The following KLHL9 variants were observed in gnomAD, a reference collection of about 807,000 sequenced individuals.
KLHL9 encodes kelch-like protein 9.
Under a neutral mutation model 42.3 loss-of-function variants are expected in KLHL9, and 27 were observed. The ratio of observed to expected loss-of-function variants is 0.64; its 90% CI spans 0.47 to 0.88. The LOEUF (loss-of-function observed/expected upper bound fraction) is 0.88. Among genes scored for constraint, KLHL9 ranks in the 40% least tolerant of loss-of-function variants. The probability of loss-of-function intolerance (pLI) is 0.00; values close to 1 mark genes in which losing one functional copy is unlikely to be tolerated. For synonymous variants in KLHL9, 274 were observed against 254.4 expected (o/e 1.08, Z -0.73); for missense variants, 629 against 750.3 (o/e 0.84, Z 1.89).
rs759225208 is a variant in KLHL9, at chr9:21,334,139, G to C, written c.721C>G (p.Arg241Gly). ...TCCTGTGGTGTCATCAGTGGAAATC[G>C]AATATTCTTCATTAACTTTGCAGCA... ...DYAAKLMKNI[R>G]FPLMTPQDLI... The change falls in exon 1 of 1, where the codon CGA becomes GGA. Residue 241 changes from arginine (R) to glycine (G), a missense_variant. Transcript: ENST00000359039. This position sits in a 1 kb window ranked among gnomAD's most constrained non-coding sequence, Gnocchi z 5.1. 1 of 1,614,144 alleles carries C rather than the reference G, an allele frequency of 6.2e-7. No individual in the cohort carries two copies. Among genetic ancestry groups the C allele is most frequent in the South Asian group, 1.1e-5 (1 of 91,080 alleles).
Position 21,333,032 on chromosome 9 carries a change from G to T in KLHL9, c.1828C>A (p.Leu610Ile). The change falls in exon 1 of 1, where the codon CTT becomes ATT. Residue 610 changes from leucine (L) to isoleucine (I), a missense_variant. Coordinates refer to ENST00000359039, the MANE Select transcript of KLHL9 (RefSeq NM_018847.4). The surrounding 1 kb of genome is among the most constrained non-coding windows in gnomAD (Gnocchi z 7.5). ...TAAGAATGATCTGAAGGTGCTGAAAGAGGTGATTCTCTAGAAGGTGACCCA... is the reference window on the plus strand; with the variant it reads ...TAAGAATGATCTGAAGGTGCTGAAATAGGTGATTCTCTAGAAGGTGACCCA... ...NPGSPSRESP[L>I]SAPSDHS The T allele has an allele frequency of 6.2e-7, 1 of 1,614,192 alleles. No homozygotes were observed. Among genetic ancestry groups the T allele is most frequent in the Non-Finnish European group, 8.5e-7 (1 of 1,180,030 alleles).
chr9:21,335,136 T>C lies in KLHL9; in HGVS notation c.-277A>G. On this transcript the variant is annotated 5_prime_UTR_variant, in exon 1 of 1. Transcript: ENST00000359039. Reference sequence around the variant, plus strand: ...ATGACCTGGTTCACCTCGTCCGGCCTGCGCTGCCGCTCCTTCAGCAGTTCC... The same window carrying C: ...ATGACCTGGTTCACCTCGTCCGGCCCGCGCTGCCGCTCCTTCAGCAGTTCC... 3.7e-6 allele frequency: 2 copies of C among 539,444 alleles called. No individual in the cohort carries two copies. Among genetic ancestry groups the C allele is most frequent in the Non-Finnish European group, 3.3e-6 (1 of 300,822 alleles). The allele number at this position is 539,444 out of a possible 1,614,324, so 33.4% of individuals were successfully genotyped here. A position where few individuals can be genotyped will look rare whatever the true frequency, so the allele number is the denominator to read the frequency against.
chr9:21,330,491 T>C lies in KLHL9; in HGVS notation c.*2515A>G, dbSNP rs900237701. The C allele has an allele frequency of 2.6e-5, 4 of 152,138 alleles. No individual in the cohort carries two copies. Among genetic ancestry groups the C allele is most frequent in the African/African-American group, 7.2e-5 (3 of 41,406 alleles). The allele number at this position is 152,138 out of a possible 1,614,324, so 9.4% of individuals were successfully genotyped here. A position where few individuals can be genotyped will look rare whatever the true frequency, so the allele number is the denominator to read the frequency against. On this transcript the variant is annotated 3_prime_UTR_variant, in exon 1 of 1. Transcript: ENST00000359039. ...ACCAAGAGAACTGTCAACTGCAGAA[T>C]ACGGGAAAGTAAAAAAATGAGAGGC...
Position 21,333,391 on chromosome 9 carries a change from G to T in KLHL9, c.1469C>A (p.Thr490Lys). 1 of 1,614,144 alleles carries T rather than the reference G, an allele frequency of 6.2e-7. No individual in the cohort carries two copies. Among genetic ancestry groups the T allele is most frequent in the Non-Finnish European group, 8.5e-7 (1 of 1,180,028 alleles). The change falls in exon 1 of 1, where the codon ACA becomes AAA. Residue 490 changes from threonine to lysine, a missense_variant. This residue lies in a region of KLHL9 where 214 missense variants were observed against 305.8 expected (regional missense o/e 0.70). Coordinates refer to ENST00000359039, the MANE Select transcript of KLHL9 (RefSeq NM_018847.4). The surrounding 1 kb of genome is among the most constrained non-coding windows in gnomAD (Gnocchi z 7.5). ...TTVRGLHCMC[T>K]VGDKLYVIGG... Reference sequence around the variant, plus strand: ...AATGACATAGAGCTTATCTCCAACTGTACACATGCAATGCAGACCTCTGAC... The same window carrying T: ...AATGACATAGAGCTTATCTCCAACTTTACACATGCAATGCAGACCTCTGAC...
Position 21,331,714 on chromosome 9 carries a change from G to GT in KLHL9, c.*1291dup, listed in dbSNP as rs1231809175. 6 of 152,420 alleles carry GT rather than the reference G, an allele frequency of 3.9e-5. No homozygotes were observed. Among genetic ancestry groups the GT allele is most frequent in the Admixed American group, 6.5e-5 (1 of 15,280 alleles). The allele number at this position is 152,420 out of a possible 1,614,324, so 9.4% of individuals were successfully genotyped here. A position where few individuals can be genotyped will look rare whatever the true frequency, so the allele number is the denominator to read the frequency against. On this transcript the variant is annotated 3_prime_UTR_variant, in exon 1 of 1. Coordinates refer to ENST00000359039, the MANE Select transcript of KLHL9 (RefSeq NM_018847.4). ...CTGAGGGTTGATTTTAGTACTGCTT[G>GT]TAAGACCATAGTGTTCCAGAGGCTC...
Position 21,330,022 on chromosome 9 carries a change from A to G in KLHL9, c.*2984T>C, listed in dbSNP as rs1820143278. 1 of 152,180 alleles carries G rather than the reference A, an allele frequency of 6.6e-6. No homozygotes were observed. Among genetic ancestry groups the G allele is most frequent in the Admixed American group, 6.5e-5 (1 of 15,278 alleles). 9.4% of individuals were successfully genotyped at this position (152,180 alleles called of 1,614,324 possible). A position where few individuals can be genotyped will look rare whatever the true frequency, so the allele number is the denominator to read the frequency against. Reference sequence around the variant, plus strand: ...TAAAAAATTACCAGCTTATGAAAATAAATCTCTTTCCATTTAATCATTTCA... The same window carrying G: ...TAAAAAATTACCAGCTTATGAAAATGAATCTCTTTCCATTTAATCATTTCA... On this transcript the variant is annotated 3_prime_UTR_variant, in exon 1 of 1. Coordinates refer to ENST00000359039, the MANE Select transcript of KLHL9 (RefSeq NM_018847.4).
Position 21,330,327 on chromosome 9 carries a change from A to G in KLHL9, c.*2679T>C, listed in dbSNP as rs976600118. ...CTGTGTTTTGAGTGTAACCTGTCAC[A>G]TGAGCTCTGGTGTGGAATTTTCTAC... On this transcript the variant is annotated 3_prime_UTR_variant, in exon 1 of 1. Transcript: ENST00000359039. The G allele has an allele frequency of 2.0e-5, 3 of 152,226 alleles. No individual in the cohort carries two copies. Among genetic ancestry groups the G allele is most frequent in the African/African-American group, 7.2e-5 (3 of 41,474 alleles). The allele number at this position is 152,226 out of a possible 1,614,324, so 9.4% of individuals were successfully genotyped here.
Position 21,334,478 on chromosome 9 carries a change from C to T in KLHL9, c.382G>A (p.Ala128Thr). Residue 128 changes from alanine (A) to threonine (T), a missense_variant, in exon 1 of 1, where the codon GCT becomes ACT. By Grantham distance (58) the Ala-to-Thr change is moderately conservative (BLOSUM62 0). Coordinates refer to ENST00000359039, the MANE Select transcript of KLHL9 (RefSeq NM_018847.4). The surrounding 1 kb of genome is among the most constrained non-coding windows in gnomAD (Gnocchi z 5.1). ...NMDNLQDTLE[A>T]ASFLQILPVL... ...GGTAATATTTGTAAAAAGCTAGCAG[C>T]TTCAAGTGTGTCCTGAAGATTGTCC... 3 of 1,613,978 alleles carry T rather than the reference C, an allele frequency of 1.9e-6. No homozygotes were observed. Among genetic ancestry groups the T allele is most frequent in the Non-Finnish European group, 2.5e-6 (3 of 1,179,928 alleles).
Position 21,335,288 on chromosome 9 carries a change from G to A in KLHL9, c.-429C>T, listed in dbSNP as rs975913961. On this transcript the variant is annotated 5_prime_UTR_variant, in exon 1 of 1. Transcript: ENST00000359039. ...TACCTAGAGTGTCGCAGCGGCCACCGGCCTGTCTTTGAGCAAGGGCCGGGA... is the reference window on the plus strand; with the variant it reads ...TACCTAGAGTGTCGCAGCGGCCACCAGCCTGTCTTTGAGCAAGGGCCGGGA... 4 of 440,554 alleles carry A rather than the reference G, an allele frequency of 9.1e-6. No individual in the cohort carries two copies. The highest frequency in any genetic ancestry group is 4.1e-5 in the African/African-American group (2 of 49,098). The allele number at this position is 440,554 out of a possible 1,614,324, so 27.3% of individuals were successfully genotyped here. A position where few individuals can be genotyped will look rare whatever the true frequency, so the allele number is the denominator to read the frequency against.
Position 21,332,841 on chromosome 9 carries a change from G to A in KLHL9, c.*165C>T. 1.0e-6 allele frequency: 1 copy of A among 987,290 alleles called. No individual in the cohort carries two copies. The highest frequency in any genetic ancestry group is 3.2e-4 in the Middle Eastern group (1 of 3,086). The allele number at this position is 987,290 out of a possible 1,614,324, so 61.2% of individuals were successfully genotyped here. ...AACAGCTATGTTAAATACATTTTCA[G>A]AATGCATTTGTTAGCCACTTGATAA... On this transcript the variant is annotated 3_prime_UTR_variant, in exon 1 of 1. Transcript: ENST00000359039.
Position 21,330,833 on chromosome 9 carries a change from G to T in KLHL9, c.*2173C>A, listed in dbSNP as rs1466430963. 3 of 152,004 alleles carry T rather than the reference G, an allele frequency of 2.0e-5. No homozygotes were observed. Among genetic ancestry groups the T allele is most frequent in the East Asian group, 3.9e-4 (2 of 5,144 alleles). 9.4% of individuals were successfully genotyped at this position (152,004 alleles called of 1,614,324 possible). ...AGCTAATCGGGAGGCTGAGGTGGGA[G>T]AATCGCCTGAACATGAGAGGCAGAG... On this transcript the variant is annotated 3_prime_UTR_variant, in exon 1 of 1. Coordinates refer to ENST00000359039, the MANE Select transcript of KLHL9 (RefSeq NM_018847.4).
In KLHL9 at chr9:21,333,141, C is replaced by T. The variant is rs747686206; in HGVS notation, c.1719G>A (p.Glu573=). The part of the protein sequence containing the change: ...IVQKYDPEKD[E]WHKVFDLPES... ...CTGGAAGATCAAAAACTTTATGCCA[C>T]TCATCTTTTTCTGGGTCATATTTCT... Residue 573 remains glutamate, a synonymous_variant, in exon 1 of 1, where the codon GAG becomes GAA. Transcript: ENST00000359039. This position sits in a 1 kb window ranked among gnomAD's most constrained non-coding sequence, Gnocchi z 7.5. The T allele has an allele frequency of 8.1e-6, 13 of 1,614,066 alleles. No homozygotes were observed. The African/African-American group carries it at 1.5e-4, about 18-fold the overall frequency.
rs1253456570 is a variant in KLHL9, at chr9:21,334,396, A to G, written c.464T>C (p.Val155Ala). The change falls in exon 1 of 1, where the codon GTT becomes GCT. Residue 155 changes from valine to alanine, a missense_variant. Coordinates refer to ENST00000359039, the MANE Select transcript of KLHL9 (RefSeq NM_018847.4). This position sits in a 1 kb window ranked among gnomAD's most constrained non-coding sequence, Gnocchi z 5.1. ...GGTGTTAGCAATTCGTCCAACCTCA[A>G]CACAGTTATCCAAAGAGACTCCTGA... ...LISGVSLDNCVEVGRIANTYN... is the reference protein window; with the variant it reads ...LISGVSLDNCAEVGRIANTYN... The G allele has an allele frequency of 6.2e-7, 1 of 1,614,078 alleles. No individual in the cohort carries two copies. Among genetic ancestry groups the G allele is most frequent in the Non-Finnish European group, 8.5e-7 (1 of 1,179,996 alleles).
chr9:21,335,110 A>T lies in KLHL9; in HGVS notation c.-251T>A, dbSNP rs960278212. 6 of 557,082 alleles carry T rather than the reference A, an allele frequency of 1.1e-5. No individual in the cohort carries two copies. The highest frequency in any genetic ancestry group is 1.9e-5 in the Non-Finnish European group (6 of 313,814). 34.5% of individuals were successfully genotyped at this position (557,082 alleles called of 1,614,324 possible). ...ATGATTCATCACCTGAAGGCGGTTAAATGACCTGGTTCACCTCGTCCGGCC... is the reference window on the plus strand; with the variant it reads ...ATGATTCATCACCTGAAGGCGGTTATATGACCTGGTTCACCTCGTCCGGCC... On this transcript the variant is annotated 5_prime_UTR_variant, in exon 1 of 1. Coordinates refer to ENST00000359039, the MANE Select transcript of KLHL9 (RefSeq NM_018847.4).
rs748625718 is a variant in KLHL9 at position 21,334,898 on chromosome 9, AAAG to A, written c.-42_-40del. 4.3e-6 allele frequency: 7 copies of A among 1,612,822 alleles called. No individual in the cohort carries two copies. Among genetic ancestry groups the A allele is most frequent in the Non-Finnish European group, 5.9e-6 (7 of 1,179,736 alleles). ...TCTTGCACAGAGATGCAAGCCGGATAAAGAAGTTATAACCGGAATGTTTTACAG... is the reference window on the plus strand; with the variant it reads ...TCTTGCACAGAGATGCAAGCCGGATAAAGTTATAACCGGAATGTTTTACAG... On this transcript the variant is annotated 5_prime_UTR_variant, in exon 1 of 1. Coordinates refer to ENST00000359039, the MANE Select transcript of KLHL9 (RefSeq NM_018847.4). The surrounding 1 kb of genome is among the most constrained non-coding windows in gnomAD (Gnocchi z 5.1).
In KLHL9 at chr9:21,333,052, G is replaced by A; in HGVS notation, c.1808C>T (p.Ser603Leu). Residue 603 changes from serine to leucine, a missense_variant, in exon 1 of 1, where the codon TCA becomes TTA. Around this residue, in one of 4 missense-constraint regions of KLHL9, gnomAD observed 61 missense variants for 63.5 expected, o/e 0.96. Transcript: ENST00000359039. This position sits in a 1 kb window ranked among gnomAD's most constrained non-coding sequence, Gnocchi z 7.5. ...TGAAAGAGGTGATTCTCTAGAAGGT[G>A]ACCCAGGGTTTTCTTCAGGTGGAAA... ...TVFPPEENPG[S>L]PSRESPLSAP... 1 of 1,614,156 alleles carries A rather than the reference G, an allele frequency of 6.2e-7. No homozygotes were observed. The highest frequency in any genetic ancestry group is 8.5e-7 in the Non-Finnish European group (1 of 1,180,014).
Position 21,331,508 on chromosome 9 carries a change from T to A in KLHL9, c.*1498A>T, listed in dbSNP as rs564323274. Reference sequence around the variant, plus strand: ...GGTATAGGGGGTTGTGTGTGTGTATTACACACACACACAATGTATATATAA... The same window carrying A: ...GGTATAGGGGGTTGTGTGTGTGTATAACACACACACACAATGTATATATAA... On this transcript the variant is annotated 3_prime_UTR_variant, in exon 1 of 1. Coordinates refer to ENST00000359039, the MANE Select transcript of KLHL9 (RefSeq NM_018847.4). The A allele has an allele frequency of 3.9e-3, 549 of 139,426 alleles. 2 individuals carry two copies. The highest frequency in any genetic ancestry group is 0.014 in the African/African-American group (525 of 37,684). The allele number at this position is 139,426 out of a possible 1,614,324, so 8.6% of individuals were successfully genotyped here. A position where few individuals can be genotyped will look rare whatever the true frequency, so the allele number is the denominator to read the frequency against.
At position 21,334,934 on chromosome 9, in the gene KLHL9, G is replaced by A. The variant is rs1193652714; in HGVS notation, c.-75C>T. On this transcript the variant is annotated 5_prime_UTR_variant, in exon 1 of 1. Transcript: ENST00000359039. This position sits in a 1 kb window ranked among gnomAD's most constrained non-coding sequence, Gnocchi z 5.1. The stretch of plus-strand genomic sequence containing the variant: ...AACCGGAATGTTTTACAGGTAACGA[G>A]GTGTCCAGAAAGAACAGAAAGCTCG... 4 of 1,590,786 alleles carry A rather than the reference G, an allele frequency of 2.5e-6. No homozygotes were observed. Among genetic ancestry groups the A allele is most frequent in the African/African-American group, 1.3e-5 (1 of 74,310 alleles).
chr9:21,335,197 G>A lies in KLHL9; in HGVS notation c.-338C>T, dbSNP rs1427383530. ...AGGAAGAGGCGCCGCCACGTACTGTGGCTCCACGGCCCGCTCGGCGGCGGG... is the reference window on the plus strand; with the variant it reads ...AGGAAGAGGCGCCGCCACGTACTGTAGCTCCACGGCCCGCTCGGCGGCGGG... On this transcript the variant is annotated 5_prime_UTR_variant, in exon 1 of 1. Transcript: ENST00000359039. 5.9e-6 allele frequency: 3 copies of A among 504,416 alleles called. No individual in the cohort carries two copies. Among genetic ancestry groups the A allele is most frequent in the African/African-American group, 3.9e-5 (2 of 50,892 alleles). 31.2% of individuals were successfully genotyped at this position (504,416 alleles called of 1,614,324 possible).
Sources: gnomAD v4.1 joint callset for allele counts on GRCh38, gnomAD v4.1.1 for gene constraint, gnomAD v4.1.1 regional missense constraint, Gnocchi (gnomAD v3.1) non-coding constraint, MANE v1.5 for transcripts, NCBI Gene and HGNC (gene_info 2026-07-23, HGNC 2026-07-21) for gene names.